The following MAGI2 variants were observed in gnomAD, a reference collection of about 807,000 sequenced individuals.
MAGI2 encodes membrane associated guanylate kinase, WW and PDZ domain containing 2, also known as membrane-associated guanylate kinase, WW and PDZ domain-containing protein 2.
MAGI2 carries 35 observed loss-of-function variants against 133.3 expected under a neutral mutation model. The observed-to-expected ratio is 0.26, with a 90% CI of 0.20 to 0.35. The LOEUF (loss-of-function observed/expected upper bound fraction) is 0.35, where lower values mean the gene tolerates loss of function less well. Among genes scored for constraint, MAGI2 ranks in the 10% least tolerant of loss-of-function variants. MAGI2 has a pLI of 1.00. For synonymous variants in MAGI2, 729 were observed against 710.6 expected (o/e 1.03, Z -0.41); for missense variants, 1,636 against 1,863.4 (o/e 0.88, Z 2.25).
At chr7:79,004,317 GA>G (rs1333849482) in intron 2 of MAGI2, among the ~76,000 whole-genome samples, 1 of 152,186 alleles carries the variant, frequency 6.6e-6, no homozygotes, top group Non-Finnish European at 1.5e-5. Context: ...AACATGGACA[GA>G]AGTGGAGATC....
At chr7:79,358,932 T>C (rs911148334) in intron 1 of MAGI2, among the ~76,000 whole-genome samples, 12 of 152,132 alleles carry the variant, frequency 7.9e-5, no homozygotes, top group South Asian at 2.1e-4. Flanking sequence ...GCTAACCTAA[T>C]AGACAAAATG....
chr7:78,093,418 C>A (rs1232089368), intron 20 of MAGI2, among the ~76,000 whole-genome samples: 1 of 151,924 alleles, frequency 6.6e-6, no homozygotes, highest in Non-Finnish European at 1.5e-5. Flanking sequence ...CGTGCCACTG[C>A]ACTCCAACCT....
intron 2 of MAGI2, among the ~76,000 whole-genome samples, chr7:78,975,945 A>G (rs1056202365): frequency 3.3e-5 from 5 of 151,706 alleles, no homozygotes; most frequent in Non-Finnish European, 5.9e-5. Flanking sequence ...CTTGAATGAC[A>G]TAAACTATCA....
intron 6 of MAGI2, among the ~76,000 whole-genome samples, chr7:78,487,556 C>A (rs1431523979): frequency 6.6e-6 from 1 of 152,036 alleles, no homozygotes; most frequent in Admixed American, 6.6e-5. Flanking sequence ...TTTCTAAAAT[C>A]TTTATCACCT....
intron 1 of MAGI2, among the ~76,000 whole-genome samples, chr7:79,092,667 T>A (rs560070976): frequency 1.1e-4 from 17 of 152,316 alleles, no homozygotes; most frequent in African/African-American, 3.1e-4. Flanking sequence ...AAATTTTAGG[T>A]TGCTACAGAT....
At chr7:78,631,055 C>G (rs1031646159) in intron 2 of MAGI2, among the ~76,000 whole-genome samples, 4 of 152,106 alleles carry the variant, frequency 2.6e-5, no homozygotes, top group Admixed American at 2.6e-4. Flanking sequence ...TTGGAAGCTT[C>G]CTGTCGAAGG....
At chr7:78,435,582 C>A (rs1800208078) in intron 6 of MAGI2, among the ~76,000 whole-genome samples, 1 of 152,120 alleles carries the variant, frequency 6.6e-6, no homozygotes, top group South Asian at 2.1e-4. Flanking sequence ...AAGCTGAGAA[C>A]TGCAAGCAGA....
intron 2 of MAGI2, among the ~76,000 whole-genome samples, chr7:78,751,899 A>G (rs984130787): frequency 6.6e-6 from 1 of 152,260 alleles, no homozygotes; most frequent in African/African-American, 2.4e-5. Context: ...CTATTGTTTT[A>G]TGGCTTGAAC....
At chr7:78,509,805 A>G (rs1456096318) in intron 4 of MAGI2, among the ~76,000 whole-genome samples, 1 of 152,218 alleles carries the variant, frequency 6.6e-6, no homozygotes. Flanking sequence ...CCATATTTTC[A>G]TGTGACACAG....
At chr7:78,240,424 G>A (rs1791017542) in intron 10 of MAGI2, among the ~76,000 whole-genome samples, 1 of 152,142 alleles carries the variant, frequency 6.6e-6, no homozygotes. Flanking sequence ...TAAAGAAAAT[G>A]TGTTATATCT....
chr7:78,695,053 G>A (rs894527901), intron 2 of MAGI2, among the ~76,000 whole-genome samples: 10 of 151,920 alleles, frequency 6.6e-5, no homozygotes, highest in African/African-American at 1.7e-4. Flanking sequence ...GTGAAACCCC[G>A]TCTCTACTAA....
intron 2 of MAGI2, among the ~76,000 whole-genome samples, chr7:78,787,601 C>T (rs1426620258): frequency 2.6e-5 from 4 of 152,132 alleles, no homozygotes; most frequent in African/African-American, 7.2e-5. Flanking sequence ...TCTGTTCTAC[C>T]CCCGTTACTG....
intron 2 of MAGI2, among the ~76,000 whole-genome samples, chr7:78,867,015 G>C (rs879644383): frequency 6.0e-5 from 9 of 150,102 alleles, no homozygotes; most frequent in Non-Finnish European, 7.4e-5. Flanking sequence ...AGTTAGAATG[G>C]CAATCATTAA....
chr7:78,625,080 C>T (rs976058963), intron 3 of MAGI2, among the ~76,000 whole-genome samples: 2 of 152,020 alleles, frequency 1.3e-5, no homozygotes, highest in African/African-American at 2.4e-5. Flanking sequence ...TACTGATGAT[C>T]CTGACCCTGT....
In MAGI2 at chr7:78,612,898, CTGACCTCG is replaced by C. The variant is rs1806628155; in HGVS notation, c.538+14214_538+14221del. On this transcript the variant is annotated intron_variant, in intron 3 of 21. Transcript: ENST00000354212. Reference sequence around the variant, plus strand: ...TGTTAGCCAGGATGGTCTCGATCTCCTGACCTCGTGATCCGCCCGCCTCGGCCTCCCAA... The same window carrying C: ...TGTTAGCCAGGATGGTCTCGATCTCCTGATCCGCCCGCCTCGGCCTCCCAA... Among the ~76,000 whole-genome samples, 4 of 152,218 alleles carry C rather than the reference CTGACCTCG, an allele frequency of 2.6e-5. No homozygotes were observed. In the South Asian group the frequency reaches 8.3e-4, roughly 32 times the overall value.
intron 9 of MAGI2, among the ~76,000 whole-genome samples, chr7:78,314,997 G>C (rs1405874174): frequency 6.6e-6 from 1 of 152,150 alleles, no homozygotes; most frequent in Non-Finnish European, 1.5e-5. Flanking sequence ...AAAGGTCACA[G>C]TTTTATACTG....
At chr7:78,649,246 G>GAAAAAAA (rs1477464611) in intron 2 of MAGI2, among the ~76,000 whole-genome samples, 4 of 67,728 alleles carry the variant, frequency 5.9e-5, no homozygotes, top group Non-Finnish European at 1.2e-4. Context: ...GAAAAAAAAA[G>GAAAAAAA]AAAAAAAGTA....
At chr7:78,338,978 C>T (rs1562850126) in intron 9 of MAGI2, among the ~76,000 whole-genome samples, 1 of 91,326 alleles carries the variant, frequency 1.1e-5, no homozygotes. Context: ...GACCCCATCT[C>T]TTGAGAAAAC....
At chr7:79,208,881 A>C (rs1481793946) in intron 1 of MAGI2, among the ~76,000 whole-genome samples, 10 of 152,032 alleles carry the variant, frequency 6.6e-5, no homozygotes, top group Admixed American at 1.3e-4. Context: ...CATTCGTGAC[A>C]ACATAGATTA....
Sources: allele counts gnomAD v4.1 joint callset (sites outside exome capture counted in the v4.1 genomes callset), GRCh38; gene constraint gnomAD v4.1.1; transcripts MANE v1.5; gene names NCBI Gene and HGNC (gene_info 2026-07-23, HGNC 2026-07-21).